The following COMMD1 variants were observed in gnomAD, a reference collection of about 807,000 sequenced individuals.
COMMD1 encodes the protein copper metabolism domain containing 1.
COMMD1 carries 10 observed loss-of-function variants against 17.2 expected under a neutral mutation model. The ratio of observed to expected loss-of-function variants is 0.58; its 90% CI spans 0.36 to 0.99. The LOEUF (loss-of-function observed/expected upper bound fraction) is 0.99. Among genes scored for constraint, COMMD1 ranks in the 50% least tolerant of loss-of-function variants. The pLI is 0.01. For synonymous variants in COMMD1, 97 were observed against 91.6 expected, an observed-to-expected ratio of 1.06 and a Z score of -0.34; for missense variants, 270 against 231.8, an observed-to-expected ratio of 1.17 and a Z score of -1.07.
At chr2:62,083,319 A>G (rs1342350853) in intron 2 of COMMD1, among the ~76,000 whole-genome samples, 3 of 152,172 alleles carry the variant, frequency 2.0e-5, no homozygotes, top group East Asian at 1.9e-4. Flanking sequence ...TGTGTGCCAC[A>G]TTGCCTCTGC....
In COMMD1 at chr2:61,905,685, G is replaced by A. The variant is rs1206477550; in HGVS notation, c.7G>A (p.Ala3Thr). The change falls in exon 1 of 3, where the codon GCG (alanine) becomes ACG (threonine). Residue 3 changes from alanine (A) to threonine (T), a missense_variant. By Grantham distance (58) the Ala-to-Thr change is moderately conservative (BLOSUM62 0). Coordinates refer to ENST00000311832, the MANE Select transcript of COMMD1 (RefSeq NM_152516.4). The stretch of plus-strand genomic sequence containing the variant: ...GGCGGGGCCTTCGCAGAGCATGGCG[G>A]CGGGCGAGCTTGAGGGTGGCAAACC... The part of the protein sequence containing the change: MA[A>T]GELEGGKPLS... The A allele has an allele frequency of 6.4e-7, 1 of 1,560,922 alleles. No individual in the cohort carries two copies. Among genetic ancestry groups the A allele is most frequent in the Admixed American group, 1.9e-5 (1 of 53,026 alleles).
chr2:62,011,720 G>T (rs1054827386), intron 2 of COMMD1, among the ~76,000 whole-genome samples: 1 of 152,076 alleles, frequency 6.6e-6, no homozygotes, highest in Non-Finnish European at 1.5e-5. Context: ...AATAATTAGT[G>T]TAAGAAATTT....
intron 2 of COMMD1, among the ~76,000 whole-genome samples, chr2:62,087,035 G>A (rs1671690640): frequency 6.6e-6 from 1 of 151,964 alleles, no homozygotes; most frequent in African/African-American, 2.4e-5. Context: ...TGTAGGCCAG[G>A]CTGGTCTCAA....
intron 1 of COMMD1, among the ~76,000 whole-genome samples, chr2:61,912,256 T>A (rs1011353693): frequency 6.6e-6 from 1 of 152,126 alleles, no homozygotes; most frequent in Non-Finnish European, 1.5e-5. Flanking sequence ...TAGTAAAAGT[T>A]TGTAGAATAA....
intron 2 of COMMD1, among the ~76,000 whole-genome samples, chr2:62,122,339 G>A (rs1008156519): frequency 3.3e-5 from 5 of 152,156 alleles, no homozygotes; most frequent in African/African-American, 9.7e-5. Flanking sequence ...ATCAAAACTC[G>A]GGAGTCAGAT....
rs188945231 is a variant in COMMD1, at chr2:61,980,801, G to A, written c.181-19900G>A. Among the ~76,000 whole-genome samples the A allele has an allele frequency of 2.4e-3, 368 of 152,194 alleles. 4 individuals carry two copies. The highest frequency in any genetic ancestry group is 7.7e-3 in the East Asian group (40 of 5,168). On this transcript the variant is annotated intron_variant, in intron 1 of 2. Coordinates refer to ENST00000311832, the MANE Select transcript of COMMD1 (RefSeq NM_152516.4). Reference sequence around the variant, plus strand: ...GTCTTCTGTTGCCATTGCTTTTGGTGTTTTGGACATGAAGTCCTTGCCCAC... The same window carrying A: ...GTCTTCTGTTGCCATTGCTTTTGGTATTTTGGACATGAAGTCCTTGCCCAC...
At chr2:62,113,592 C>T (rs1672514748) in intron 2 of COMMD1, among the ~76,000 whole-genome samples, 1 of 152,110 alleles carries the variant, frequency 6.6e-6, no homozygotes, top group Non-Finnish European at 1.5e-5. Flanking sequence ...CCATGTTGGC[C>T]AGGCTGGTCT....
chr2:62,098,013 C>T (rs1258456526), intron 2 of COMMD1, among the ~76,000 whole-genome samples: 1 of 151,866 alleles, frequency 6.6e-6, no homozygotes, highest in Non-Finnish European at 1.5e-5. Flanking sequence ...TTAAAATATT[C>T]TTTCTTTTTG....
chr2:61,985,560 C>G (rs560952584), intron 1 of COMMD1, among the ~76,000 whole-genome samples: 1 of 151,986 alleles, frequency 6.6e-6, no homozygotes, highest in African/African-American at 2.4e-5. Context: ...TCTTTTCTTC[C>G]TCCTTGTCTT....
Position 61,893,496 on chromosome 2 carries a change from TA to T in COMMD1, n.119+4657del, listed in dbSNP as rs1375386762. 2.0e-5 allele frequency among the ~76,000 whole-genome samples: 3 copies of T among 150,564 alleles called. 1 individual carries two copies. The highest frequency in any genetic ancestry group is 7.5e-5 in the African/African-American group (3 of 39,928). The stretch of plus-strand genomic sequence containing the variant: ...TTTCTATCGAAAAACAGGAATGAAC[TA>T]AACTTTCATTATTGTAGTACTAACA... On this transcript the variant is annotated intron_variant and non_coding_transcript_variant, in intron 1 of 2. Coordinates refer to the COMMD1 transcript ENST00000472729.
At chr2:62,003,605 T>TACAC (rs57628894) in intron 2 of COMMD1, among the ~76,000 whole-genome samples, 23,495 of 146,084 alleles carry the variant, frequency 0.16, 1,957 homozygotes, top group Non-Finnish European at 0.2. Flanking sequence ...CAGATATTTT[T>TACAC]ACACACACAC....
At chr2:62,132,552 A>G (rs1673071004) in intron 2 of COMMD1, among the ~76,000 whole-genome samples, 1 of 152,172 alleles carries the variant, frequency 6.6e-6, no homozygotes, top group South Asian at 2.1e-4. Flanking sequence ...AGATGTTTTA[A>G]AAATTGTTTT....
At position 62,102,829 on chromosome 2, in the gene COMMD1, C is replaced by T. The variant is rs950462614; in HGVS notation, c.463-33002C>T. ...ATAACACCCTGGTTCCACAGAGGGT[C>T]CTGTCCCACACCCAGAAGGAAGGAA... On this transcript the variant is annotated intron_variant, in intron 2 of 2. Coordinates refer to ENST00000311832, the MANE Select transcript of COMMD1 (RefSeq NM_152516.4). Among the ~76,000 whole-genome samples, 13 of 152,294 alleles carry T rather than the reference C, an allele frequency of 8.5e-5. No individual in the cohort carries two copies. The East Asian group carries it at 2.5e-3, about 29-fold the overall frequency.
intron 1 of COMMD1, among the ~76,000 whole-genome samples, chr2:61,960,113 A>ATATG (rs71410907): frequency 2.0e-5 from 3 of 150,120 alleles, no homozygotes; most frequent in East Asian, 3.9e-4. Context: ...TTTGGAATAT[A>ATATG]TGTGTGTGTG....
At chr2:62,029,182 T>C (rs949743148) in intron 2 of COMMD1, among the ~76,000 whole-genome samples, 9 of 152,210 alleles carry the variant, frequency 5.9e-5, no homozygotes, top group Non-Finnish European at 1.0e-4. Flanking sequence ...TAAATTCATA[T>C]TGTTTTTTTA....
At chr2:61,945,831 C>T (rs1381154716) in intron 1 of COMMD1, among the ~76,000 whole-genome samples, 1 of 152,096 alleles carries the variant, frequency 6.6e-6, no homozygotes, top group Non-Finnish European at 1.5e-5. Flanking sequence ...AAGTCACTGT[C>T]GGTAGAAAGG....
At chr2:62,001,206 A>G in intron 2 of COMMD1, 1 of 532,614 alleles carries the variant, frequency 1.9e-6, no homozygotes, top group Non-Finnish European at 3.4e-6. Flanking sequence ...GAAGAACAGA[A>G]TGGGCCAATA....
chr2:61,989,439 G>A (rs1672188242), intron 1 of COMMD1, among the ~76,000 whole-genome samples: 1 of 150,632 alleles, frequency 6.6e-6, no homozygotes. Context: ...CCATTCCCTC[G>A]CCCCCAAACC....
intron 1 of COMMD1, 141 bp downstream of exon 1, chr2:61,905,999 C>T: frequency 1.2e-6 from 1 of 801,712 alleles, no homozygotes. Context: ...GGCTCCACAT[C>T]GGGCTCCTTC....
Sources: gnomAD v4.1 joint callset for allele counts (sites outside exome capture counted in the v4.1 genomes callset) on GRCh38, gnomAD v4.1.1 for gene constraint, MANE v1.5 for transcripts, NCBI Gene and HGNC (gene_info 2026-07-23, HGNC 2026-07-21) for gene names.